PRKAB1: variants seen among roughly 807,000 people sequenced by gnomAD.
The protein encoded by PRKAB1 is 5'-AMP-activated protein kinase subunit beta-1.
PRKAB1 carries 18 observed loss-of-function variants against 32.0 expected under a neutral mutation model. The ratio of observed to expected loss-of-function variants is 0.56; its 90% CI spans 0.39 to 0.83. PRKAB1 has a LOEUF of 0.83. Ranked by LOEUF, PRKAB1 falls within the 40% of genes least tolerant of loss-of-function variation. The pLI is 0.00. For missense variants in PRKAB1, 263 were observed against 352.6 expected (o/e 0.75, Z 2.03); for synonymous variants, 141 against 141.4 (o/e 1.00, Z 0.02).
intron 5 of PRKAB1, chr12:119,678,856 T>C (rs2136860242): frequency 6.6e-6 from 1 of 152,380 alleles, no homozygotes; most frequent in East Asian, 1.9e-4. Context: ...TTTCATTTCC[T>C]TGGAGTATCT....
Position 119,674,239 on chromosome 12 carries a change from A to G in PRKAB1, c.418-101A>G, listed in dbSNP as rs183802223. The G allele has an allele frequency of 3.0e-5, 33 of 1,084,900 alleles. No homozygotes were observed. In the East Asian group the frequency reaches 7.9e-4, roughly 26 times the overall value. The allele number at this position is 1,084,900 out of a possible 1,614,324, so 67.2% of individuals were successfully genotyped here. A position where few individuals can be genotyped will look rare whatever the true frequency, so the allele number is the denominator to read the frequency against. ...CTTGACCAAGATGAGCAGGGTGGCT[A>G]GCCAGGAGATGAGGCCTTCCAGCCA... On this transcript the variant is annotated intron_variant, in intron 3 of 6. Coordinates refer to ENST00000229328, the MANE Select transcript of PRKAB1 (RefSeq NM_006253.5). This position sits in a 1 kb window ranked among gnomAD's most constrained non-coding sequence, Gnocchi z 4.3.
In PRKAB1 at chr12:119,680,664, C is replaced by G. The variant is rs1053873363; in HGVS notation, c.*339C>G. 1.9e-5 allele frequency: 5 copies of G among 256,882 alleles called. No homozygotes were observed. Among genetic ancestry groups the G allele is most frequent in the Non-Finnish European group, 3.8e-5 (5 of 132,966 alleles). The allele number at this position is 256,882 out of a possible 1,614,324, so 15.9% of individuals were successfully genotyped here. A position where few individuals can be genotyped will look rare whatever the true frequency, so the allele number is the denominator to read the frequency against. On this transcript the variant is annotated 3_prime_UTR_variant, in exon 7 of 7. Transcript: ENST00000229328. ...CCTACATTCTCGATTTTTCTTAAGC[C>G]AAAAATGAATGCTAACTCCTTTGCC...
At chr12:119,680,050 C>T (rs765678125) in intron 6 of PRKAB1, 49 bp downstream of exon 6, 4 of 1,577,988 alleles carry the variant, frequency 2.5e-6, no homozygotes, top group African/African-American at 1.3e-5. Context: ...AGTGTGTGCT[C>T]TGAGGACCCC....
chr12:119,674,875 C>A lies in PRKAB1; in HGVS notation c.532+421C>A, dbSNP rs1482814308. ...TAAATGGACACCTCAGTGACCTTAG[C>A]AGTCACTTATGTGGTACATTAGCAC... On this transcript the variant is annotated intron_variant, in intron 4 of 6. Coordinates refer to ENST00000229328, the MANE Select transcript of PRKAB1 (RefSeq NM_006253.5). The surrounding 1 kb of genome is among the most constrained non-coding windows in gnomAD (Gnocchi z 4.3). Among the ~76,000 whole-genome samples, 1 of 152,212 alleles carries A rather than the reference C, an allele frequency of 6.6e-6. No homozygotes were observed. Among genetic ancestry groups the A allele is most frequent in the East Asian group, 1.9e-4 (1 of 5,182 alleles).
At chr12:119,669,076 C>T (rs1356666956) in intron 1 of PRKAB1, among the ~76,000 whole-genome samples, 1 of 150,218 alleles carries the variant, frequency 6.7e-6, no homozygotes, top group East Asian at 2.0e-4. Context: ...GAGGTCGCGC[C>T]ACTGCACTCC....
Position 119,674,768 on chromosome 12 carries a change from C to T in PRKAB1, c.532+314C>T, listed in dbSNP as rs1264752792. Among the ~76,000 whole-genome samples the T allele has an allele frequency of 6.6e-6, 1 of 152,246 alleles. No individual in the cohort carries two copies. The highest frequency in any genetic ancestry group is 1.5e-5 in the Non-Finnish European group (1 of 68,048). ...GCTGAAGAGGCCCTGGAGGGTGGCA[C>T]TGAGTCAGTGACAGCCCAGCACTGG... On this transcript the variant is annotated intron_variant, in intron 4 of 6. Coordinates refer to ENST00000229328, the MANE Select transcript of PRKAB1 (RefSeq NM_006253.5). The surrounding 1 kb of genome is among the most constrained non-coding windows in gnomAD (Gnocchi z 4.3).
Position 119,676,578 on chromosome 12 carries a change from TA to T in PRKAB1, c.575del (p.Tyr192SerfsTer24), listed in dbSNP as rs1181236292. On this transcript the variant is annotated frameshift_variant, in exon 5 of 7. Transcript: ENST00000229328. LOFTEE classifies it high-confidence loss of function. ...CCCAGGACCCTACCATCAGGAGCCC[TA>T]CGTCTGCAAACCCGAAGAGCGCTTT... ...SPPGPYHQEPYVCKPEERFRA... is the reference protein window; with the variant it reads ...SPPGPYHQEPXVCKPEERFRA... 6.2e-7 allele frequency: 1 copy of T among 1,613,742 alleles called. No individual in the cohort carries two copies. Among genetic ancestry groups the T allele is most frequent in the Non-Finnish European group, 8.5e-7 (1 of 1,179,642 alleles).
At chr12:119,672,177 A>T in intron 1 of PRKAB1, 124 bp from the exon 2 acceptor site, 1 of 976,038 alleles carries the variant, frequency 1.0e-6, no homozygotes, top group South Asian at 2.0e-5. Context: ...AGGCACCACT[A>T]GTAAGTTTCC....
rs769941978 is a variant in PRKAB1, at chr12:119,676,532, A to G, written c.533-5A>G. On this transcript the variant is annotated splice_polypyrimidine_tract_variant and splice_region_variant and intron_variant, in intron 4 of 6. Transcript: ENST00000229328. ...AAGTAAAGTCCTGTTACCATCTCCC[A>G]ACAGAGCTGTCCAGTTCTCCCCCAG... is the stretch of plus-strand genomic sequence containing the variant. 1.2e-6 allele frequency: 2 copies of G among 1,607,558 alleles called. No homozygotes were observed. Among genetic ancestry groups the G allele is most frequent in the South Asian group, 2.2e-5 (2 of 90,484 alleles).
chr12:119,670,059 T>C (rs1483048542), intron 1 of PRKAB1: 1 of 152,216 alleles, frequency 6.6e-6, no homozygotes, highest in Admixed American at 6.5e-5. Context: ...CTGCAGCCTG[T>C]TTAAATTCAA....
chr12:119,669,964 C>G (rs914781741), intron 1 of PRKAB1: 1 of 152,198 alleles, frequency 6.6e-6, no homozygotes, highest in East Asian at 1.9e-4. Context: ...AGGAGGCAGC[C>G]AGCAGCTACT....
At position 119,668,242 on chromosome 12, in the gene PRKAB1, A is replaced by T. The variant is rs764188990; in HGVS notation, c.-3A>T. Reference sequence around the variant, plus strand: ...CTTCCCTGTGTCCCCGCAGACCCCCATCATGGGCAATACCAGCAGTGAGCG... The same window carrying T: ...CTTCCCTGTGTCCCCGCAGACCCCCTTCATGGGCAATACCAGCAGTGAGCG... On this transcript the variant is annotated 5_prime_UTR_variant, in exon 1 of 7. Coordinates refer to ENST00000229328, the MANE Select transcript of PRKAB1 (RefSeq NM_006253.5). 18 of 1,588,454 alleles carry T rather than the reference A, an allele frequency of 1.1e-5. No individual in the cohort carries two copies. The African/African-American group carries it at 2.5e-4, about 22-fold the overall frequency.
At chr12:119,675,765 T>C (rs1167885052) in intron 4 of PRKAB1, among the ~76,000 whole-genome samples, 1 of 152,170 alleles carries the variant, frequency 6.6e-6, no homozygotes, top group African/African-American at 2.4e-5. Context: ...AAAAATGACA[T>C]TGAGGGAATT....
At chr12:119,669,311 A>G (rs1212691404) in intron 1 of PRKAB1, 1 of 129,878 alleles carries the variant, frequency 7.7e-6, no homozygotes, top group Admixed American at 8.8e-5. Flanking sequence ...TCTGTCGCCC[A>G]GGCTGGAGTG....
intron 1 of PRKAB1, chr12:119,671,667 A>G (rs1257078519): frequency 1.3e-5 from 3 of 227,202 alleles, no homozygotes; most frequent in South Asian, 8.9e-5. Context: ...TTACAATTCA[A>G]GGTGAGATTT....
chr12:119,674,254 C>A lies in PRKAB1; in HGVS notation c.418-86C>A. 1 of 1,182,916 alleles carries A rather than the reference C, an allele frequency of 8.5e-7. No individual in the cohort carries two copies. Among genetic ancestry groups the A allele is most frequent in the South Asian group, 1.4e-5 (1 of 72,304 alleles). The allele number at this position is 1,182,916 out of a possible 1,614,324, so 73.3% of individuals were successfully genotyped here. ...CAGGGTGGCTAGCCAGGAGATGAGG[C>A]CTTCCAGCCAGGAATTCCAAGTCCT... On this transcript the variant is annotated intron_variant, in intron 3 of 6. Coordinates refer to ENST00000229328, the MANE Select transcript of PRKAB1 (RefSeq NM_006253.5). This position sits in a 1 kb window ranked among gnomAD's most constrained non-coding sequence, Gnocchi z 4.3.
In PRKAB1 at chr12:119,676,393, T is replaced by C. The variant is rs1452159576; in HGVS notation, c.533-144T>C. 6.5e-6 allele frequency: 7 copies of C among 1,085,172 alleles called. No homozygotes were observed. The African/African-American group carries it at 9.5e-5, about 15-fold the overall frequency. The allele number at this position is 1,085,172 out of a possible 1,614,324, so 67.2% of individuals were successfully genotyped here. ...TTCTCCTCTCCTCTATTCTGCACTC[T>C]TGGAACCAGTGCATCCTTCAAGAGA... is the stretch of plus-strand genomic sequence containing the variant. On this transcript the variant is annotated intron_variant, in intron 4 of 6. Coordinates refer to ENST00000229328, the MANE Select transcript of PRKAB1 (RefSeq NM_006253.5).
chr12:119,675,106 A>G (rs1301255503), intron 4 of PRKAB1, among the ~76,000 whole-genome samples: 4 of 152,244 alleles, frequency 2.6e-5, no homozygotes, highest in Non-Finnish European at 4.4e-5. Flanking sequence ...AACATGATTC[A>G]TACAGTTCGG....
Position 119,676,621 on chromosome 12 carries a change from T to TC in PRKAB1, c.623dup (p.His209ThrfsTer16), listed in dbSNP as rs1955428293. Reference sequence around the variant, plus strand: ...GAGCGCTTTCGGGCACCCCCTATTCTCCCCCCACATCTCCTCCAGGTCATC... The same window carrying TC: ...GAGCGCTTTCGGGCACCCCCTATTCTCCCCCCCACATCTCCTCCAGGTCATC... On this transcript the variant is annotated frameshift_variant, in exon 5 of 7. Transcript: ENST00000229328. LOFTEE classifies it high-confidence loss of function. 6 of 1,613,170 alleles carry TC rather than the reference T, an allele frequency of 3.7e-6. No homozygotes were observed. Among genetic ancestry groups the TC allele is most frequent in the Non-Finnish European group, 5.1e-6 (6 of 1,179,736 alleles).
Sources: allele counts gnomAD v4.1 joint callset (sites outside exome capture counted in the v4.1 genomes callset), GRCh38; gene constraint gnomAD v4.1.1; non-coding constraint Gnocchi (gnomAD v3.1); transcripts MANE v1.5; gene names NCBI Gene and HGNC (gene_info 2026-07-23, HGNC 2026-07-21).